HSP90AA1: variants seen among roughly 807,000 people sequenced by gnomAD.
HSP90AA1 encodes the protein heat shock protein 90 alpha family class A member 1, also known as heat shock protein HSP 90-alpha.
In HSP90AA1, 18 loss-of-function variants were observed where a neutral mutation model predicts 73.3. That is an observed-to-expected ratio of 0.25 (90% CI 0.17 to 0.36). HSP90AA1 has a LOEUF of 0.36. Among genes scored for constraint, HSP90AA1 ranks in the 10% least tolerant of loss-of-function variants. The pLI, the probability that HSP90AA1 is intolerant of heterozygous loss-of-function variation, is 1.00. For missense variants in HSP90AA1, 704 were observed against 874.2 expected, an observed-to-expected ratio of 0.81 and a Z score of 2.45; for synonymous variants, 477 against 296.9, an observed-to-expected ratio of 1.61 and a Z score of -6.24.
chr14:102,082,918 C>A, intron 9 of HSP90AA1, 116 bp downstream of exon 9: 1 of 1,113,012 alleles, frequency 9.0e-7, no homozygotes, highest in Admixed American at 1.7e-5. Context: ...CGCGCCCAGC[C>A]ACACACAACA....
At chr14:102,097,855 A>G (rs2049444694) in intron 2 of HSP90AA1, among the ~76,000 whole-genome samples, 3 of 152,110 alleles carry the variant, frequency 2.0e-5, no homozygotes, top group Admixed American at 6.6e-5. Flanking sequence ...AGACTTCCTT[A>G]TAGACTCTTG....
chr14:102,086,414 G>A (rs368419025), intron 1 of HSP90AA1, 36 bp from the exon 2 acceptor site: 18 of 1,612,788 alleles, frequency 1.1e-5, no homozygotes, highest in African/African-American at 5.3e-5. Flanking sequence ...AACCTTGCAG[G>A]ACGTCTACAG....
upstream of HSP90AA1, among the ~76,000 whole-genome samples, chr14:102,088,491 T>G (rs1288820423): frequency 6.6e-6 from 1 of 152,126 alleles, no homozygotes; most frequent in Non-Finnish European, 1.5e-5. Flanking sequence ...CTTAAGAGCG[T>G]GTGAAATCAA....
At chr14:102,117,527 G>T (rs931562137) in intron 1 of HSP90AA1, among the ~76,000 whole-genome samples, 1 of 151,932 alleles carries the variant, frequency 6.6e-6, no homozygotes, top group Non-Finnish European at 1.5e-5. Flanking sequence ...CTGCTTAGCA[G>T]AGAGGAGCTA....
chr14:102,089,720 A>T (rs1159731665), upstream of HSP90AA1, among the ~76,000 whole-genome samples: 1 of 152,152 alleles, frequency 6.6e-6, no homozygotes, highest in Middle Eastern at 3.4e-3. Context: ...GCCCTCTTTG[A>T]GGGCTCGTTA....
At chr14:102,135,760 A>G (rs926732437) in intron 1 of HSP90AA1, among the ~76,000 whole-genome samples, 2 of 152,256 alleles carry the variant, frequency 1.3e-5, no homozygotes, top group African/African-American at 2.4e-5. Flanking sequence ...CCGGGTGCTA[A>G]GTCCCTCATT....
chr14:102,085,946 C>T lies in HSP90AA1; in HGVS notation c.341G>A (p.Gly114Glu). The T allele has an allele frequency of 6.2e-7, 1 of 1,613,854 alleles. No homozygotes were observed. The highest frequency in any genetic ancestry group is 8.5e-7 in the Non-Finnish European group (1 of 1,179,826). ...INNLGTIAKS[G>E]TKAFMEALQA... ...CAAAGCTTCCATGAACGCTTTGGTC[C>T]CAGACTTGGCGATAGTACCAAGGTT... The change falls in exon 3 of 11, where the codon GGG becomes GAG. Residue 114 changes from glycine (G) to glutamate (E), a missense_variant. Transcript: ENST00000216281.
At chr14:102,118,018 A>G (rs1271240793) in intron 1 of HSP90AA1, among the ~76,000 whole-genome samples, 2 of 152,194 alleles carry the variant, frequency 1.3e-5, no homozygotes, top group Admixed American at 6.5e-5. Flanking sequence ...TGCCTGCTCC[A>G]TGGCAGCAGC....
intron 1 of HSP90AA1, 38 bp from the exon 2 acceptor site, chr14:102,086,416 C>T: frequency 1.9e-6 from 3 of 1,612,708 alleles, no homozygotes; most frequent in Non-Finnish European, 2.5e-6. Context: ...CCTTGCAGGA[C>T]GTCTACAGAG....
chr14:102,086,902 G>T (rs2049254776), intron 1 of HSP90AA1, 84 bp downstream of exon 1: 2 of 796,802 alleles, frequency 2.5e-6, no homozygotes, highest in Non-Finnish European at 3.0e-6. Flanking sequence ...ATCTGGTCCG[G>T]CCCCCACAGC....
At chr14:102,118,254 C>T (rs547058622) in intron 1 of HSP90AA1, among the ~76,000 whole-genome samples, 2 of 152,162 alleles carry the variant, frequency 1.3e-5, no homozygotes, top group African/African-American at 2.4e-5. Context: ...AAATGATAAC[C>T]CCTAAGGTCC....
At chr14:102,104,893 C>T (rs571144362) in intron 1 of HSP90AA1, among the ~76,000 whole-genome samples, 1 of 151,832 alleles carries the variant, frequency 6.6e-6, no homozygotes, top group Middle Eastern at 3.4e-3. Context: ...TCCATGTTGC[C>T]GCAAATGACA....
chr14:102,120,799 G>A lies in HSP90AA1; in HGVS notation c.155+18451C>T, dbSNP rs111286763. On this transcript the variant is annotated intron_variant, in intron 1 of 11. Coordinates refer to the HSP90AA1 transcript ENST00000334701. ...CTCTACTAAAAATACAAAAATTAGC[G>A]TGGCGGTGGGCGCCTATAATCCCAG... Among the ~76,000 whole-genome samples the A allele has an allele frequency of 3.1e-3, 474 of 151,592 alleles. 4 individuals are homozygous for A. The highest frequency in any genetic ancestry group is 5.3e-3 in the Admixed American group (81 of 15,158).
At chr14:102,110,586 ATTTT>A (rs1220233995) in intron 1 of HSP90AA1, among the ~76,000 whole-genome samples, 1 of 140,790 alleles carries the variant, frequency 7.1e-6, no homozygotes, top group African/African-American at 2.6e-5. Context: ...TGCCCGGATA[ATTTT>A]TTTTTTTTTG....
rs890488238 is a variant in HSP90AA1 at position 102,083,882 on chromosome 14, C to G, written c.1249G>C (p.Val417Leu). 1 of 1,613,734 alleles carries G rather than the reference C, an allele frequency of 6.2e-7. No individual in the cohort carries two copies. Among genetic ancestry groups the G allele is most frequent in the African/African-American group, 1.3e-5 (1 of 74,890 alleles). Residue 417 changes from valine to leucine, a missense_variant, in exon 7 of 11, where the codon GTC becomes CTC. By Grantham distance (32) the Val-to-Leu change is conservative (BLOSUM62 1). Coordinates refer to ENST00000216281, the MANE Select transcript of HSP90AA1 (RefSeq NM_005348.4). ...GTAAAGAGTTCTAAGCATTTTTTGA[C>G]CAAATTCTTCCTGATAACTTTCAAA... ...KILKVIRKNL[V>L]KKCLELFTEL...
Position 102,083,646 on chromosome 14 carries a change from C to A in HSP90AA1, c.1386G>T (p.Leu462=), listed in dbSNP as rs34913441. 2 of 1,612,898 alleles carry A rather than the reference C, an allele frequency of 1.2e-6. No individual in the cohort carries two copies. Among genetic ancestry groups the A allele is most frequent in the Non-Finnish European group, 8.5e-7 (1 of 1,179,514 alleles). ...CAGAGGCAGATGTGTAGTACCTTAACAGCTCTGAAAGCTTCTTCCGATTTT... is the reference window on the plus strand; with the variant it reads ...CAGAGGCAGATGTGTAGTACCTTAAAAGCTCTGAAAGCTTCTTCCGATTTT... ...DSQNRKKLSE[L]LRYYTSASGD... is the part of the protein sequence containing the mutation. Residue 462 remains leucine (L), a synonymous_variant, in exon 8 of 11, where the codon CTG becomes CTT. Coordinates refer to ENST00000216281, the MANE Select transcript of HSP90AA1 (RefSeq NM_005348.4).
At position 102,086,151 on chromosome 14, in the gene HSP90AA1, C is replaced by G. The variant is rs758471197; in HGVS notation, c.163-27G>C. On this transcript the variant is annotated intron_variant, in intron 2 of 10. Coordinates refer to ENST00000216281, the MANE Select transcript of HSP90AA1 (RefSeq NM_005348.4). ...TGTTAACAAAAAATATTAATTTAAGCATACAGCACCCCCAAGAAGTTCACA... is the reference window on the plus strand; with the variant it reads ...TGTTAACAAAAAATATTAATTTAAGGATACAGCACCCCCAAGAAGTTCACA... 2.5e-6 allele frequency: 4 copies of G among 1,613,888 alleles called. No individual in the cohort carries two copies. In the African/African-American group the frequency reaches 5.3e-5, roughly 22 times the overall value.
At chr14:102,103,180 CAAAAAAAAAAAAAAA>C (rs898771022) in intron 1 of HSP90AA1, among the ~76,000 whole-genome samples, 3 of 37,236 alleles carry the variant, frequency 8.1e-5, no homozygotes, top group Middle Eastern at 0.029. Flanking sequence ...GACTCAGTCT[CAAAAAAAAAAAAAAA>C]AAAAAAAAAG....
intron 2 of HSP90AA1, among the ~76,000 whole-genome samples, chr14:102,094,192 G>A (rs905219031): frequency 3.3e-5 from 5 of 152,184 alleles, no homozygotes; most frequent in South Asian, 2.1e-4. Flanking sequence ...ACATGCTGCC[G>A]CCGGGAAGCC....
Sources: allele counts gnomAD v4.1 joint callset (sites outside exome capture counted in the v4.1 genomes callset), GRCh38; gene constraint gnomAD v4.1.1; transcripts MANE v1.5; gene names NCBI Gene and HGNC (gene_info 2026-07-23, HGNC 2026-07-21).